TASP1: variants seen among roughly 807,000 people sequenced by gnomAD.
TASP1 encodes the protein taspase 1, also known as threonine aspartase 1.
TASP1 carries 16 observed loss-of-function variants against 56.6 expected under a neutral mutation model. The observed-to-expected ratio is 0.28, with a 90% confidence interval of 0.19 to 0.43. The LOEUF (loss-of-function observed/expected upper bound fraction) is 0.43. Ranked by LOEUF, TASP1 falls within the 20% of genes least tolerant of loss-of-function variation. TASP1 has a pLI of 1.00. For missense variants in TASP1, 393 were observed against 511.6 expected (o/e 0.77, Z 2.24); for synonymous variants, 179 against 184.2 (o/e 0.97, Z 0.23).
At chr20:13,629,488 T>C (rs557127741) in intron 2 of TASP1, among the ~76,000 whole-genome samples, 24 of 152,218 alleles carry the variant, frequency 1.6e-4, no homozygotes, top group South Asian at 8.3e-4. Flanking sequence ...TTTTATTTTA[T>C]TGAGATGGTG....
chr20:13,174,824 A>G, the TASP1 span, among the ~76,000 whole-genome samples: 1 of 152,182 alleles, frequency 6.6e-6, no homozygotes, highest in African/African-American at 2.4e-5. Flanking sequence ...GTCCCTACCC[A>G]AATATCACCT....
At chr20:13,475,381 C>T (rs1320483261) in intron 11 of TASP1, among the ~76,000 whole-genome samples, 3 of 152,086 alleles carry the variant, frequency 2.0e-5, no homozygotes, top group Non-Finnish European at 4.4e-5. Context: ...ACAGTTCTTT[C>T]CATCATTTAA....
At chr20:13,588,336 G>GGAAGGAAC (rs2047398531) in intron 4 of TASP1, among the ~76,000 whole-genome samples, 1 of 151,032 alleles carries the variant, frequency 6.6e-6, no homozygotes, top group African/African-American at 2.4e-5. Flanking sequence ...AAGGAAGGAA[G>GGAAGGAAC]GAAGGAAGGA....
At chr20:13,282,983 C>T in the TASP1 span, among the ~76,000 whole-genome samples, 81 of 152,144 alleles carry the variant, frequency 5.3e-4, no homozygotes, top group African/African-American at 1.6e-3. Flanking sequence ...TCATCTTTTC[C>T]GGAATTCCAT....
chr20:13,131,291 TAG>T, the TASP1 span, among the ~76,000 whole-genome samples: 1 of 152,206 alleles, frequency 6.6e-6, no homozygotes, highest in Non-Finnish European at 1.5e-5. Context: ...TCAGAGAAGA[TAG>T]AGTTTGTATG....
chr20:13,247,539 T>TGC, the TASP1 span, among the ~76,000 whole-genome samples: 2 of 151,590 alleles, frequency 1.3e-5, no homozygotes, highest in African/African-American at 4.9e-5. Flanking sequence ...TGTGTGTGTG[T>TGC]GTGTGTGTGT....
chr20:13,393,235 T>G lies in TASP1; in HGVS notation c.1171-2783A>C, dbSNP rs542850854. 14 of 733,666 alleles carry G rather than the reference T, an allele frequency of 1.9e-5. No individual in the cohort carries two copies. The East Asian group carries it at 2.8e-4, about 15-fold the overall frequency. 45.4% of individuals were successfully genotyped at this position (733,666 alleles called of 1,614,324 possible). ...GCTATCACTGCCACCCAGAAGACTGTGGATGGCCCCTCCGGGAAACTGTGG... is the reference window on the plus strand; with the variant it reads ...GCTATCACTGCCACCCAGAAGACTGGGGATGGCCCCTCCGGGAAACTGTGG... On this transcript the variant is annotated intron_variant, in intron 13 of 13. Coordinates refer to ENST00000337743, the MANE Select transcript of TASP1 (RefSeq NM_017714.3).
intron 10 of TASP1, among the ~76,000 whole-genome samples, chr20:13,508,706 T>C (rs1222042900): frequency 6.6e-6 from 1 of 152,162 alleles, no homozygotes; most frequent in African/African-American, 2.4e-5. Context: ...CTCCCAAAGA[T>C]ACACAAATAG....
the TASP1 span, among the ~76,000 whole-genome samples, chr20:13,334,680 G>T: frequency 6.6e-6 from 1 of 152,080 alleles, no homozygotes; most frequent in Non-Finnish European, 1.5e-5. Context: ...GAAAAACAAG[G>T]ATTTGCCTAA....
the TASP1 span, among the ~76,000 whole-genome samples, chr20:13,191,704 T>C: frequency 6.6e-6 from 1 of 152,174 alleles, no homozygotes; most frequent in South Asian, 2.1e-4. Context: ...TTAACAACAA[T>C]TTATTGTATA....
chr20:13,118,226 T>A, the TASP1 span, among the ~76,000 whole-genome samples: 1 of 152,070 alleles, frequency 6.6e-6, no homozygotes, highest in Non-Finnish European at 1.5e-5. Flanking sequence ...CTACAAGTTG[T>A]GGGTTTTAAG....
chr20:13,299,534 C>A, the TASP1 span: 1 of 1,339,608 alleles, frequency 7.5e-7, no homozygotes, highest in South Asian at 1.3e-5. The surrounding 1 kb of genome is among the most constrained non-coding windows in gnomAD (Gnocchi z 5.8). Flanking sequence ...TGCCGACTGG[C>A]GCCGAGACCT....
chr20:13,341,159 A>C, the TASP1 span, among the ~76,000 whole-genome samples: 23 of 152,226 alleles, frequency 1.5e-4, no homozygotes, highest in Non-Finnish European at 2.5e-4. Flanking sequence ...CTGAGCATAG[A>C]GTTCTTCCAG....
chr20:13,433,841 T>TAAAAAA (rs111973613), intron 12 of TASP1, among the ~76,000 whole-genome samples: 140 of 116,138 alleles, frequency 1.2e-3, no homozygotes, highest in African/African-American at 4.0e-3. Flanking sequence ...GTGTTTGTAT[T>TAAAAAA]AAAAAAAAAA....
rs145950735 is a variant in TASP1 at position 13,626,335 on chromosome 20, G to A, written c.146-1083C>T. ...CCAGCTACTCAGGGGGCTGGGGCACGGGAATAGCTTGAACCTGGGAGGCAG... is the reference window on the plus strand; with the variant it reads ...CCAGCTACTCAGGGGGCTGGGGCACAGGAATAGCTTGAACCTGGGAGGCAG... On this transcript the variant is annotated intron_variant, in intron 2 of 13. Coordinates refer to ENST00000337743, the MANE Select transcript of TASP1 (RefSeq NM_017714.3). Among the ~76,000 whole-genome samples, 798 of 152,262 alleles carry A rather than the reference G, an allele frequency of 5.2e-3. 4 individuals are homozygous for A. Among genetic ancestry groups the A allele is most frequent in the Admixed American group, 8.6e-3 (132 of 15,294 alleles).
chr20:13,140,871 T>C, the TASP1 span, among the ~76,000 whole-genome samples: 1 of 152,222 alleles, frequency 6.6e-6, no homozygotes, highest in Non-Finnish European at 1.5e-5. Context: ...GTGCGAATTA[T>C]TTCATTTACT....
chr20:13,541,739 GAATA>G (rs2045629584), intron 8 of TASP1, among the ~76,000 whole-genome samples: 1 of 151,974 alleles, frequency 6.6e-6, no homozygotes, highest in Non-Finnish European at 1.5e-5. Context: ...TTGAATGGAT[GAATA>G]AATAAATAAA....
At chr20:13,630,296 TATTAAA>T (rs2049036311) in intron 1 of TASP1, 144 bp from the exon 2 acceptor site, 3 of 491,526 alleles carry the variant, frequency 6.1e-6, no homozygotes, top group Admixed American at 8.4e-5. Context: ...CAAAGCTATT[TATTAAA>T]ATTATTTTTT....
the TASP1 span, among the ~76,000 whole-genome samples, chr20:13,194,362 A>C: frequency 1.3e-5 from 2 of 152,200 alleles, no homozygotes. Context: ...AAGAGGTTTA[A>C]GTTATATCAT....
Sources: gnomAD v4.1 joint callset for allele counts (sites outside exome capture counted in the v4.1 genomes callset) on GRCh38, gnomAD v4.1.1 for gene constraint, Gnocchi (gnomAD v3.1) non-coding constraint, MANE v1.5 for transcripts, NCBI Gene and HGNC (gene_info 2026-07-23, HGNC 2026-07-21) for gene names.